BSDC1: variants seen among roughly 807,000 people sequenced by gnomAD.
BSDC1 encodes BSD domain-containing protein 1.
In BSDC1, 29 loss-of-function variants were observed where a neutral mutation model predicts 56.0. That is an observed-to-expected ratio of 0.52 (90% confidence interval 0.39 to 0.71). The LOEUF (loss-of-function observed/expected upper bound fraction) is 0.71. Ranked by LOEUF, BSDC1 falls within the 30% of genes least tolerant of loss-of-function variation. The probability of loss-of-function intolerance (pLI) is 0.00; values close to 1 mark genes in which losing one functional copy is unlikely to be tolerated. For missense variants in BSDC1, 477 were observed against 548.5 expected (o/e 0.87, Z 1.30); for synonymous variants, 210 against 215.3 (o/e 0.98, Z 0.21).
intron 2 of BSDC1, among the ~76,000 whole-genome samples, chr1:32,389,457 C>T (rs753288234): frequency 1.4e-4 from 21 of 152,154 alleles, no homozygotes; most frequent in Non-Finnish European, 2.2e-4. Flanking sequence ...GTTGTCTTCC[C>T]GCTAGACTGT....
rs116058205 is a variant in BSDC1, at chr1:32,368,319, T to C, written c.1260+128A>G. The C allele has an allele frequency of 2.6e-3, 4,184 of 1,610,486 alleles. 86 individuals are homozygous for C. In the African/African-American group the frequency reaches 0.046, roughly 18 times the overall value. ...GGTCTGAGCAGGAAGCTCCAGCTCC[T>C]TTCCCACCACCTGTCACCTCAGACA... On this transcript the variant is annotated intron_variant, in intron 10 of 10. Coordinates refer to ENST00000455895, the MANE Select transcript of BSDC1 (RefSeq NM_018045.8).
At chr1:32,377,798 G>T (rs973295661) in intron 8 of BSDC1, among the ~76,000 whole-genome samples, 172 bp downstream of exon 8, 1 of 152,190 alleles carries the variant, frequency 6.6e-6, no homozygotes, top group Non-Finnish European at 1.5e-5. Context: ...AATTCCACTA[G>T]CCTTGTTCAA....
intron 8 of BSDC1, 62 bp downstream of exon 8, chr1:32,377,908 G>A: frequency 6.6e-7 from 1 of 1,511,318 alleles, no homozygotes; most frequent in Non-Finnish European, 9.0e-7. Flanking sequence ...AGAGAGCATG[G>A]CCCAGCCCAG....
chr1:32,367,157 T>C, intron 10 of BSDC1: 1 of 985,914 alleles, frequency 1.0e-6, no homozygotes, highest in South Asian at 4.7e-5. Flanking sequence ...GGCCTACAGA[T>C]GCCCACTAGG....
rs1247871241 is a variant in BSDC1, at chr1:32,377,346, T to G, written c.677-605A>C. 2.0e-5 allele frequency among the ~76,000 whole-genome samples: 3 copies of G among 152,212 alleles called. No individual in the cohort carries two copies. In the East Asian group the frequency reaches 5.8e-4, roughly 29 times the overall value. The stretch of plus-strand genomic sequence containing the variant: ...GTTTTGGGTTCAGGTTGGACTCTGC[T>G]ACATCCTAGGTGTATGATTGGGCAA... On this transcript the variant is annotated intron_variant, in intron 8 of 10. Coordinates refer to ENST00000455895, the MANE Select transcript of BSDC1 (RefSeq NM_018045.8).
At position 32,366,015 on chromosome 1, in the gene BSDC1, G is replaced by A. The variant is rs535870621; in HGVS notation, c.*607C>T. ...GGAGGAAAGGAAGGAGGTGGGTCAGGGTTTGGTCTCTGGATTCTGAACCCC... is the reference window on the plus strand; with the variant it reads ...GGAGGAAAGGAAGGAGGTGGGTCAGAGTTTGGTCTCTGGATTCTGAACCCC... On this transcript the variant is annotated 3_prime_UTR_variant, in exon 11 of 11. Transcript: ENST00000455895. 145 of 164,340 alleles carry A rather than the reference G, an allele frequency of 8.8e-4. 2 individuals carry two copies. Among genetic ancestry groups the A allele is most frequent in the Admixed American group, 8.8e-3 (145 of 16,494 alleles). 10.2% of individuals were successfully genotyped at this position (164,340 alleles called of 1,614,324 possible).
In BSDC1 at chr1:32,391,706, A is replaced by T. The variant is rs1221694931; in HGVS notation, c.72+2374T>A. Among the ~76,000 whole-genome samples the T allele has an allele frequency of 3.9e-5, 6 of 152,310 alleles. No homozygotes were observed. The East Asian group carries it at 1.2e-3, about 29-fold the overall frequency. ...GGAAAGCAGATGATAGCACCATCTCATAGCTGTGGTCTTCAGGGCAATGTG... is the reference window on the plus strand; with the variant it reads ...GGAAAGCAGATGATAGCACCATCTCTTAGCTGTGGTCTTCAGGGCAATGTG... On this transcript the variant is annotated intron_variant, in intron 2 of 10. Coordinates refer to ENST00000455895, the MANE Select transcript of BSDC1 (RefSeq NM_018045.8).
intron 9 of BSDC1, 126 bp downstream of exon 9, chr1:32,376,136 G>T: frequency 9.6e-7 from 1 of 1,038,880 alleles, no homozygotes; most frequent in Non-Finnish European, 1.3e-6. Flanking sequence ...TATAGCAGCT[G>T]TCATCATTAT....
chr1:32,388,423 G>A (rs997644479), intron 2 of BSDC1, among the ~76,000 whole-genome samples: 3 of 152,026 alleles, frequency 2.0e-5, no homozygotes, highest in Non-Finnish European at 4.4e-5. Context: ...GTCATTTACC[G>A]ATTCACTCTT....
chr1:32,372,624 T>C (rs1057213033), intron 9 of BSDC1, among the ~76,000 whole-genome samples: 2 of 152,194 alleles, frequency 1.3e-5, no homozygotes, highest in African/African-American at 4.8e-5. Context: ...CGTCCTACCC[T>C]GTCACACAAG....
rs556035336 is a variant in BSDC1 at position 32,378,876 on chromosome 1, G to A, written c.413-37C>T. Reference sequence around the variant, plus strand: ...CAGATGCTGACGGTCAGTTGCCTTGGTCTGGGAAAAGAACACTGGGCTTAC... The same window carrying A: ...CAGATGCTGACGGTCAGTTGCCTTGATCTGGGAAAAGAACACTGGGCTTAC... On this transcript the variant is annotated intron_variant, in intron 5 of 10. Coordinates refer to ENST00000455895, the MANE Select transcript of BSDC1 (RefSeq NM_018045.8). The surrounding 1 kb of genome is among the most constrained non-coding windows in gnomAD (Gnocchi z 5.2). 8.0e-6 allele frequency: 11 copies of A among 1,371,962 alleles called. No individual in the cohort carries two copies. The highest frequency in any genetic ancestry group is 1.9e-4 in the Middle Eastern group (1 of 5,322). The allele number at this position is 1,371,962 out of a possible 1,614,324, so 85.0% of individuals were successfully genotyped here.
At chr1:32,379,003 G>A (rs778649210) in intron 5 of BSDC1, among the ~76,000 whole-genome samples, 164 bp from the exon 6 acceptor site, 2 of 152,158 alleles carry the variant, frequency 1.3e-5, no homozygotes, top group Non-Finnish European at 2.9e-5. Context: ...GGCGGGTGCC[G>A]CACCTGAGTG....
At chr1:32,384,412 G>A (rs1374645122) in intron 3 of BSDC1, among the ~76,000 whole-genome samples, 1 of 152,188 alleles carries the variant, frequency 6.6e-6, no homozygotes, top group East Asian at 1.9e-4. Context: ...TTGGTCATGA[G>A]ACCGAAACCC....
chr1:32,384,127 C>T (rs1642585110), intron 3 of BSDC1, 130 bp from the exon 4 acceptor site: 6 of 1,310,384 alleles, frequency 4.6e-6, no homozygotes, highest in Non-Finnish European at 6.4e-6. Flanking sequence ...GACCCTTCAC[C>T]CGTCTCTGGG....
chr1:32,367,761 A>G, intron 10 of BSDC1: 1 of 924,728 alleles, frequency 1.1e-6, no homozygotes, highest in Non-Finnish European at 1.3e-6. Context: ...TGTGGGGTTT[A>G]TCACTAATGT....
At chr1:32,367,028 G>A in intron 10 of BSDC1, 1 of 1,020,792 alleles carries the variant, frequency 9.8e-7, no homozygotes, top group South Asian at 4.6e-5. Flanking sequence ...CAGGAGGCCT[G>A]AGCAGATACT....
At chr1:32,374,131 AAGTACACAG>A (rs1642194061) in intron 9 of BSDC1, among the ~76,000 whole-genome samples, 1 of 152,164 alleles carries the variant, frequency 6.6e-6, no homozygotes, top group African/African-American at 2.4e-5. Flanking sequence ...ATATGAGAAA[AAGTACACAG>A]ATCTCACAGG....
chr1:32,367,541 G>C, intron 10 of BSDC1: 1 of 985,370 alleles, frequency 1.0e-6, no homozygotes, highest in Non-Finnish European at 1.2e-6. Context: ...GTTACATGAT[G>C]GAAGGACTCA....
chr1:32,369,978 CTTAT>C (rs938125737), intron 9 of BSDC1, among the ~76,000 whole-genome samples: 12 of 151,058 alleles, frequency 7.9e-5, no homozygotes, highest in African/African-American at 2.7e-4. Flanking sequence ...TGTATTTTTA[CTTAT>C]TTATTTATTT....
Sources: allele counts gnomAD v4.1 joint callset (sites outside exome capture counted in the v4.1 genomes callset), GRCh38; gene constraint gnomAD v4.1.1; non-coding constraint Gnocchi (gnomAD v3.1); transcripts MANE v1.5; gene names NCBI Gene and HGNC (gene_info 2026-07-23, HGNC 2026-07-21).